ARHGAP10: variants seen among roughly 807,000 people sequenced by gnomAD.
ARHGAP10 encodes the protein rho GTPase-activating protein 10.
A neutral mutation model predicts 108.6 loss-of-function variants in ARHGAP10; 87 were observed. The observed-to-expected ratio is 0.80, with a 90% CI of 0.67 to 0.96. The LOEUF (loss-of-function observed/expected upper bound fraction) is 0.96, where lower values mean the gene tolerates loss of function less well. Ranked by LOEUF, ARHGAP10 falls within the 40% of genes least tolerant of loss-of-function variation. The pLI is 0.00. For missense variants in ARHGAP10, 939 were observed against 954.5 expected, an observed-to-expected ratio of 0.98 and a Z score of 0.21; for synonymous variants, 347 against 341.1, an observed-to-expected ratio of 1.02 and a Z score of -0.19.
At chr4:147,810,207 A>G (rs1337494480) in intron 1 of ARHGAP10, among the ~76,000 whole-genome samples, 2 of 152,204 alleles carry the variant, frequency 1.3e-5, no homozygotes, top group African/African-American at 4.8e-5. Flanking sequence ...TCCTGCAAAT[A>G]CTGTTTCATT....
At chr4:147,906,432 A>G (rs916120479) in intron 10 of ARHGAP10, among the ~76,000 whole-genome samples, 8 of 152,200 alleles carry the variant, frequency 5.3e-5, no homozygotes, top group Admixed American at 2.0e-4. Context: ...CTGTTAATGG[A>G]TGGTGGTGAT....
chr4:147,784,260 T>TATTATATAATTTACATAACATTAA lies in ARHGAP10; in HGVS notation c.155-38439_155-38416dup, dbSNP rs1730708247. On this transcript the variant is annotated intron_variant, in intron 1 of 22. Coordinates refer to ENST00000336498, the MANE Select transcript of ARHGAP10 (RefSeq NM_024605.4). ...ATAATTTACATAACATTAAATTGTG[T>TATTATATAATTTACATAACATTAA]ATTATATAATTTACATAACATTAAA... 6.6e-5 allele frequency among the ~76,000 whole-genome samples: 9 copies of TATTATATAATTTACATAACATTAA among 135,670 alleles called. No individual in the cohort carries two copies. In the South Asian group the frequency reaches 9.4e-4, roughly 14 times the overall value. 89.0% of individuals were successfully genotyped at this position (135,670 alleles called of 152,430 possible).
intron 14 of ARHGAP10, chr4:147,946,263 G>A (rs185229365): frequency 3.8e-5 from 7 of 185,758 alleles, no homozygotes; most frequent in African/African-American, 9.4e-5. Flanking sequence ...TGAAAGTGCC[G>A]CTTGCTATAA....
Position 148,063,356 on chromosome 4 carries a change from A to G in ARHGAP10, c.2180+56A>G, listed in dbSNP as rs950818121. The G allele has an allele frequency of 5.4e-5, 87 of 1,604,586 alleles. No homozygotes were observed. In the African/African-American group the frequency reaches 9.9e-4, roughly 18 times the overall value. On this transcript the variant is annotated intron_variant, in intron 21 of 22. Coordinates refer to ENST00000336498, the MANE Select transcript of ARHGAP10 (RefSeq NM_024605.4). ...GGTGGCAGCACACACAGGGGGCTTG[A>G]TGAACCTGAGCAGGTTCTTGTGTTC... is the stretch of plus-strand genomic sequence containing the variant.
At chr4:147,971,135 T>C (rs189806097) in intron 18 of ARHGAP10, among the ~76,000 whole-genome samples, 8 of 150,504 alleles carry the variant, frequency 5.3e-5, no homozygotes, top group African/African-American at 1.7e-4. Flanking sequence ...GGCCAAAATA[T>C]TATTAAGGTC....
chr4:148,041,389 A>G (rs1728627333), intron 19 of ARHGAP10, among the ~76,000 whole-genome samples: 1 of 152,250 alleles, frequency 6.6e-6, no homozygotes, highest in Non-Finnish European at 1.5e-5. Flanking sequence ...GAAAGGAGAC[A>G]AAGAAGAAAT....
chr4:147,899,107 A>G (rs1736119581), intron 10 of ARHGAP10, among the ~76,000 whole-genome samples: 1 of 152,124 alleles, frequency 6.6e-6, no homozygotes, highest in Non-Finnish European at 1.5e-5. Flanking sequence ...CTGCTCTCAG[A>G]CTTCCTCATG....
intron 10 of ARHGAP10, among the ~76,000 whole-genome samples, chr4:147,889,654 G>A (rs962629489): frequency 1.1e-5 from 1 of 91,296 alleles, no homozygotes; most frequent in African/African-American, 2.5e-5. Context: ...TATGTCTAAT[G>A]TAAACATACT....
chr4:147,917,522 C>A (rs1433570399), intron 13 of ARHGAP10: 1 of 152,196 alleles, frequency 6.6e-6, no homozygotes, highest in Admixed American at 6.5e-5. Flanking sequence ...TTCTACTAAT[C>A]CTCCTTAATT....
At chr4:147,785,086 A>AAAAG (rs1730828645) in intron 1 of ARHGAP10, among the ~76,000 whole-genome samples, 1 of 144,632 alleles carries the variant, frequency 6.9e-6, no homozygotes, top group African/African-American at 2.5e-5. Context: ...TATTTTCTAA[A>AAAAG]AAAAAAAAAA....
chr4:148,036,746 G>A (rs1335533890), intron 19 of ARHGAP10, among the ~76,000 whole-genome samples: 1 of 152,208 alleles, frequency 6.6e-6, no homozygotes, highest in African/African-American at 2.4e-5. Flanking sequence ...GAGAGGGAGT[G>A]CCAGGTTTTC....
At position 148,039,458 on chromosome 4, in the gene ARHGAP10, A is replaced by AT. The variant is rs1426722834; in HGVS notation, c.1868-7425dup. ...AGGCACCCACCACCACGCCTGGCTA[A>AT]TTTTTTTTTCTTTGTATTTTTAGTA... On this transcript the variant is annotated intron_variant, in intron 19 of 22. Coordinates refer to ENST00000336498, the MANE Select transcript of ARHGAP10 (RefSeq NM_024605.4). 2.3e-3 allele frequency among the ~76,000 whole-genome samples: 300 copies of AT among 132,078 alleles called. 3 individuals are homozygous for AT. Among genetic ancestry groups the AT allele is most frequent in the African/African-American group, 8.8e-3 (296 of 33,454 alleles). The allele number at this position is 132,078 out of a possible 152,430, so 86.6% of individuals were successfully genotyped here. A position where few individuals can be genotyped will look rare whatever the true frequency, so the allele number is the denominator to read the frequency against.
intron 13 of ARHGAP10, among the ~76,000 whole-genome samples, chr4:147,934,863 GTTAAA>G (rs971189821): frequency 1.5e-4 from 23 of 152,274 alleles, no homozygotes; most frequent in African/African-American, 5.1e-4. Context: ...GTAATCAAGT[GTTAAA>G]TTAAAAGGAA....
chr4:147,969,567 A>G (rs1183666285), intron 18 of ARHGAP10, among the ~76,000 whole-genome samples: 1 of 152,148 alleles, frequency 6.6e-6, no homozygotes, highest in Admixed American at 6.6e-5. Context: ...TTTATTTGTG[A>G]AAATACTGGC....
intron 16 of ARHGAP10, among the ~76,000 whole-genome samples, chr4:147,963,605 T>G (rs932503483): frequency 7.9e-5 from 12 of 152,212 alleles, no homozygotes; most frequent in African/African-American, 2.9e-4. Flanking sequence ...GTTTGGGGGT[T>G]AAGGGATTGT....
intron 18 of ARHGAP10, among the ~76,000 whole-genome samples, chr4:148,021,936 A>G (rs2149662675): frequency 1.3e-5 from 2 of 152,368 alleles, no homozygotes; most frequent in Admixed American, 1.3e-4. Context: ...GTATGGGACT[A>G]TAAAGCAAAT....
At chr4:147,774,096 T>G (rs1730187519) in intron 1 of ARHGAP10, among the ~76,000 whole-genome samples, 1 of 152,204 alleles carries the variant, frequency 6.6e-6, no homozygotes, top group African/African-American at 2.4e-5. Flanking sequence ...CATAAGATAG[T>G]TGTGATAATG....
At chr4:148,065,079 C>T (rs1359743043) in intron 22 of ARHGAP10, among the ~76,000 whole-genome samples, 1 of 152,164 alleles carries the variant, frequency 6.6e-6, no homozygotes, top group Non-Finnish European at 1.5e-5. Context: ...CATTTAGGAG[C>T]TATGCCTGGT....
chr4:147,806,400 A>G (rs1051613540), intron 1 of ARHGAP10, among the ~76,000 whole-genome samples: 26 of 151,588 alleles, frequency 1.7e-4, no homozygotes, highest in Non-Finnish European at 3.4e-4. Flanking sequence ...ATATTATTAT[A>G]TATGAATATT....
Sources: allele counts gnomAD v4.1 joint callset (sites outside exome capture counted in the v4.1 genomes callset), GRCh38; gene constraint gnomAD v4.1.1; transcripts MANE v1.5; gene names NCBI Gene and HGNC (gene_info 2026-07-23, HGNC 2026-07-21).